ANO4: variants seen among roughly 807,000 people sequenced by gnomAD.
ANO4 encodes the protein anoctamin-4.
A neutral mutation model predicts 141.9 loss-of-function variants in ANO4; 69 were observed. The ratio of observed to expected loss-of-function variants is 0.49; its 90% CI spans 0.40 to 0.59. The LOEUF (loss-of-function observed/expected upper bound fraction) is 0.59. ANO4 is among the 20% of genes least tolerant of loss of function. The pLI, the probability that ANO4 is intolerant of heterozygous loss-of-function variation, is 0.00. For synonymous variants in ANO4, 350 were observed against 394.3 expected (o/e 0.89, Z 1.33); for missense variants, 894 against 1,162.2 (o/e 0.77, Z 3.36).
chr12:100,999,384 C>A (rs1209487619), intron 8 of ANO4, among the ~76,000 whole-genome samples: 5 of 152,226 alleles, frequency 3.3e-5, no homozygotes, highest in Non-Finnish European at 5.9e-5. Context: ...GTCTTCACAT[C>A]TTTTTCTTCT....
intron 3 of ANO4, among the ~76,000 whole-genome samples, chr12:100,754,086 G>A (rs2032505802): frequency 6.6e-6 from 1 of 152,116 alleles, no homozygotes; most frequent in South Asian, 2.1e-4. Flanking sequence ...TCATTTACTG[G>A]GCCAGGTTCT....
At chr12:100,773,469 C>G (rs1319219584) in intron 3 of ANO4, among the ~76,000 whole-genome samples, 1 of 152,164 alleles carries the variant, frequency 6.6e-6, no homozygotes, top group African/African-American at 2.4e-5. Flanking sequence ...TCCTTTCCCC[C>G]ACACCCCACA....
At chr12:101,071,939 G>C (rs762315102) in intron 14 of ANO4, among the ~76,000 whole-genome samples, 2 of 152,140 alleles carry the variant, frequency 1.3e-5, no homozygotes, top group African/African-American at 4.8e-5. Context: ...AACTGTATAA[G>C]TCTGTCTAAA....
chr12:100,916,252 G>GT (rs2041336266), intron 2 of ANO4, among the ~76,000 whole-genome samples: 1 of 151,908 alleles, frequency 6.6e-6, no homozygotes, highest in African/African-American at 2.4e-5. Flanking sequence ...TTGATATTTT[G>GT]TTTATTATTT....
intron 2 of ANO4, among the ~76,000 whole-genome samples, chr12:100,902,899 C>T (rs1470820014): frequency 6.6e-6 from 1 of 152,158 alleles, no homozygotes; most frequent in East Asian, 1.9e-4. Flanking sequence ...CTGAAGCTTC[C>T]TCAGGAGAAT....
chr12:101,069,156 T>A (rs1043566201), intron 14 of ANO4: 37 of 1,317,676 alleles, frequency 2.8e-5, no homozygotes, highest in Non-Finnish European at 3.9e-5. Context: ...CTAATTGAAA[T>A]GTCTGAACTG....
chr12:101,108,234 G>C (rs1372807742), intron 22 of ANO4, among the ~76,000 whole-genome samples: 3 of 152,100 alleles, frequency 2.0e-5, no homozygotes, highest in Admixed American at 1.3e-4. Flanking sequence ...TAAAACCAAG[G>C]TTGAAACAGA....
rs567968439 is a variant in ANO4 at position 101,020,014 on chromosome 12, T to C, written c.735-20T>C. 20 of 1,581,388 alleles carry C rather than the reference T, an allele frequency of 1.3e-5. No individual in the cohort carries two copies. In the African/African-American group the frequency reaches 2.0e-4, roughly 16 times the overall value. On this transcript the variant is annotated intron_variant, in intron 8 of 27. Transcript: ENST00000392977. ...ACCTCCGATTAATTCTCAACTTGTA[T>C]TTTTAATATATGTATGCAGCTTCAT...
chr12:101,066,311 G>T (rs1048193564), intron 14 of ANO4, among the ~76,000 whole-genome samples: 1 of 152,146 alleles, frequency 6.6e-6, no homozygotes, highest in Admixed American at 6.5e-5. Flanking sequence ...TGGAAAGGAA[G>T]ACATCAAATT....
chr12:100,917,829 A>G (rs2041416291), intron 2 of ANO4, among the ~76,000 whole-genome samples: 1 of 152,194 alleles, frequency 6.6e-6, no homozygotes, highest in Non-Finnish European at 1.5e-5. Flanking sequence ...CATGAAGAGA[A>G]TGTTGCATTT....
At chr12:100,905,778 G>A (rs1264560662) in intron 2 of ANO4, among the ~76,000 whole-genome samples, 1 of 152,180 alleles carries the variant, frequency 6.6e-6, no homozygotes, top group Non-Finnish European at 1.5e-5. Context: ...TGGTGTTCAA[G>A]AGAGGGGAGA....
At chr12:100,996,520 C>T (rs2045378399) in intron 8 of ANO4, among the ~76,000 whole-genome samples, 1 of 152,078 alleles carries the variant, frequency 6.6e-6, no homozygotes, top group Admixed American at 6.5e-5. Flanking sequence ...CCTGTCTCTA[C>T]TAAAAATACA....
chr12:100,748,568 A>T (rs2135490630), intron 3 of ANO4, among the ~76,000 whole-genome samples: 1 of 152,350 alleles, frequency 6.6e-6, no homozygotes, highest in East Asian at 1.9e-4. Flanking sequence ...TTATATTTAA[A>T]GTGGGTTTCT....
intron 1 of ANO4, among the ~76,000 whole-genome samples, chr12:100,814,998 G>A (rs2035652009): frequency 6.6e-6 from 1 of 152,034 alleles, no homozygotes; most frequent in South Asian, 2.1e-4. Flanking sequence ...TCAGGTGGAT[G>A]CTCTGGGATC....
At chr12:100,894,343 G>A (rs2040237260) in intron 1 of ANO4, among the ~76,000 whole-genome samples, 1 of 152,074 alleles carries the variant, frequency 6.6e-6, no homozygotes, top group South Asian at 2.1e-4. Flanking sequence ...CTGAGACTAA[G>A]CAACAACCTA....
At chr12:101,065,317 TA>T (rs2048535392) in intron 14 of ANO4, among the ~76,000 whole-genome samples, 1 of 152,100 alleles carries the variant, frequency 6.6e-6, no homozygotes, top group Admixed American at 6.6e-5. Context: ...TACCTGTGGA[TA>T]AAAGGGGACT....
intron 7 of ANO4, among the ~76,000 whole-genome samples, chr12:100,983,283 C>T (rs1049335316): frequency 6.6e-6 from 1 of 152,192 alleles, no homozygotes; most frequent in Non-Finnish European, 1.5e-5. Context: ...AGGAGAGGAT[C>T]AGACCGAGAG....
At chr12:100,727,009 TCAC>T (rs1056322863) in intron 1 of ANO4, among the ~76,000 whole-genome samples, 12 of 141,480 alleles carry the variant, frequency 8.5e-5, no homozygotes, top group African/African-American at 2.5e-4. Context: ...ATTTTTATCA[TCAC>T]AGATTAGGGT....
At chr12:100,775,180 G>A (rs1442509316) in intron 3 of ANO4, among the ~76,000 whole-genome samples, 2 of 152,166 alleles carry the variant, frequency 1.3e-5, no homozygotes, top group African/African-American at 2.4e-5. Flanking sequence ...GGGGCTGTCC[G>A]AGTGAAAAAC....
Sources: allele counts gnomAD v4.1 joint callset (sites outside exome capture counted in the v4.1 genomes callset), GRCh38; gene constraint gnomAD v4.1.1; transcripts MANE v1.5; gene names NCBI Gene and HGNC (gene_info 2026-07-23, HGNC 2026-07-21).